Variants in ZNF365 observed in about 807,000 individuals in gnomAD.
ZNF365 encodes zinc finger protein 365, also known as protein ZNF365.
A neutral mutation model predicts 35.0 loss-of-function variants in ZNF365; 22 were observed. That is an observed-to-expected ratio of 0.63 (90% CI 0.45 to 0.90). The LOEUF is 0.90. ZNF365 is among the 40% of genes least tolerant of loss of function. The pLI, the probability that ZNF365 is intolerant of heterozygous loss-of-function variation, is 0.00. For synonymous variants in ZNF365, 188 were observed against 196.2 expected (o/e 0.96, Z 0.35); for missense variants, 448 against 500.3 (o/e 0.90, Z 1.00).
intron 4 of ZNF365, among the ~76,000 whole-genome samples, chr10:62,461,246 A>G (rs199512895): frequency 6.6e-6 from 1 of 152,218 alleles, no homozygotes; most frequent in East Asian, 1.9e-4. Flanking sequence ...CAGCTTTCGC[A>G]GGGCGTTCTA....
intron 2 of ZNF365, among the ~76,000 whole-genome samples, chr10:62,378,767 C>A (rs573677243): frequency 6.6e-6 from 1 of 152,122 alleles, no homozygotes; most frequent in African/African-American, 2.4e-5. Flanking sequence ...GCCAATTGCA[C>A]GCTGAATTGT....
chr10:62,479,286 A>G (rs1841182581), intron 4 of ZNF365, among the ~76,000 whole-genome samples: 1 of 152,234 alleles, frequency 6.6e-6, no homozygotes, highest in Admixed American at 6.5e-5. Flanking sequence ...TATAATTAGG[A>G]ACATAATCTG....
chr10:62,459,920 A>G (rs964365390), intron 4 of ZNF365: 28 of 781,128 alleles, frequency 3.6e-5, no homozygotes, highest in Non-Finnish European at 5.6e-5. Flanking sequence ...GAAAACACAC[A>G]TTTTCACATT....
intron 4 of ZNF365, among the ~76,000 whole-genome samples, chr10:62,472,885 T>C (rs1209488977): frequency 6.6e-6 from 1 of 152,202 alleles, no homozygotes; most frequent in Non-Finnish European, 1.5e-5. Flanking sequence ...AAGTATAGAA[T>C]AGCACAAAAA....
rs558378435 is a variant in ZNF365, at chr10:62,472,757, A to C, written c.982-7119A>C. On this transcript the variant is annotated intron_variant, in intron 4 of 4. Coordinates refer to the ZNF365 transcript ENST00000395255. ...AATATACTTTCCTTGCCTATTTTAC[A>C]TTTTTTGTACTCTCAAAGCATTCTG... Among the ~76,000 whole-genome samples the C allele has an allele frequency of 2.0e-5, 3 of 152,298 alleles. No homozygotes were observed. In the South Asian group the frequency reaches 6.2e-4, roughly 32 times the overall value.
intron 3 of ZNF365, among the ~76,000 whole-genome samples, chr10:62,414,290 C>A (rs915479309): frequency 6.6e-6 from 1 of 152,038 alleles, no homozygotes; most frequent in Admixed American, 6.5e-5. Flanking sequence ...GCCTCAACCT[C>A]CTGGGCTCAG....
chr10:62,453,123 G>A (rs966957942), intron 3 of ZNF365, among the ~76,000 whole-genome samples: 8 of 152,312 alleles, frequency 5.3e-5, no homozygotes, highest in African/African-American at 1.7e-4. Flanking sequence ...CTTGGAGTTT[G>A]TACATCTTTA....
chr10:62,431,582 G>A (rs746905541), intron 3 of ZNF365, among the ~76,000 whole-genome samples: 2 of 152,018 alleles, frequency 1.3e-5, no homozygotes, highest in Non-Finnish European at 2.9e-5. Context: ...TATTTTTGAT[G>A]GTTCCAACCA....
At position 62,392,902 on chromosome 10, in the gene ZNF365, G is replaced by T. The variant is rs111454461; in HGVS notation, c.924+4326G>T. ...CCGCCTCGGCCTCCCAAAGTGCTGGGATTACAGGCGTGAGCCACCGCACCC... is the reference window on the plus strand; with the variant it reads ...CCGCCTCGGCCTCCCAAAGTGCTGGTATTACAGGCGTGAGCCACCGCACCC... On this transcript the variant is annotated intron_variant, in intron 3 of 4. Transcript: ENST00000395254. 2.6e-3 allele frequency among the ~76,000 whole-genome samples: 399 copies of T among 152,346 alleles called. 3 individuals carry two copies. The highest frequency in any genetic ancestry group is 3.4e-3 in the Middle Eastern group (1 of 294).
intron 3 of ZNF365, among the ~76,000 whole-genome samples, chr10:62,429,104 C>T (rs1450961695): frequency 1.3e-5 from 2 of 152,114 alleles, no homozygotes; most frequent in Non-Finnish European, 2.9e-5. Context: ...CCAATGTGTG[C>T]CAACGTTAGT....
Position 62,399,641 on chromosome 10 carries a change from C to T in ZNF365, c.1076C>T (p.Pro359Leu). ...AAGGATGACAGAGCCAGCATGCAGC[C>T]TGCCAAGGCCATTCACGAACAGGCT... ...KAKDDRASMQ[P>L]AKAIHEQAES... The change falls in exon 5 of 5, where the codon CCT becomes CTT. Residue 359 changes from proline to leucine, a missense_variant. By Grantham distance (98) the Pro-to-Leu change is moderately conservative (BLOSUM62 -3). Around this residue, in one of 3 missense-constraint regions of ZNF365, gnomAD observed 362 missense variants for 375.7 expected, o/e 0.96. Coordinates refer to ENST00000395254, the MANE Select transcript of ZNF365 (RefSeq NM_014951.3). The T allele has an allele frequency of 6.2e-7, 1 of 1,614,178 alleles. No homozygotes were observed. Among genetic ancestry groups the T allele is most frequent in the Non-Finnish European group, 8.5e-7 (1 of 1,180,038 alleles).
At chr10:62,426,917 A>T (rs931935557) in intron 3 of ZNF365, among the ~76,000 whole-genome samples, 1 of 152,112 alleles carries the variant, frequency 6.6e-6, no homozygotes, top group African/African-American at 2.4e-5. Flanking sequence ...TAGCTCTGGG[A>T]GGGGCAGAGT....
intron 3 of ZNF365, among the ~76,000 whole-genome samples, chr10:62,420,274 T>A (rs958344784): frequency 3.0e-4 from 45 of 152,372 alleles, no homozygotes; most frequent in Non-Finnish European, 8.8e-5. Context: ...AATTTGAAAT[T>A]AACTCGTAAT....
intron 2 of ZNF365, among the ~76,000 whole-genome samples, chr10:62,377,709 C>T (rs1160664818): frequency 6.6e-6 from 1 of 152,062 alleles, no homozygotes; most frequent in East Asian, 1.9e-4. Context: ...ATAGATTTAA[C>T]CCAAACTAGA....
chr10:62,376,599 G>A lies in ZNF365; in HGVS notation c.406G>A (p.Ala136Thr). 6.2e-7 allele frequency: 1 copy of A among 1,614,156 alleles called. No homozygotes were observed. Among genetic ancestry groups the A allele is most frequent in the Non-Finnish European group, 8.5e-7 (1 of 1,180,038 alleles). Reference protein sequence around the residue: ...VQTYTAMDLHADSLDGTRSGP... With the variant: ...VQTYTAMDLHTDSLDGTRSGP... ...GACCTACACTGCCATGGACCTCCAT[G>A]CAGACTCGCTGGATGGGACACGGTC... The change falls in exon 2 of 5, where the codon GCA (alanine) becomes ACA (threonine). Residue 136 changes from alanine (A) to threonine (T), a missense_variant. Around this residue, in one of 3 missense-constraint regions of ZNF365, gnomAD observed 362 missense variants for 375.7 expected, o/e 0.96. Transcript: ENST00000395254.
At chr10:62,430,803 C>G (rs1029553309) in intron 3 of ZNF365, among the ~76,000 whole-genome samples, 1 of 152,244 alleles carries the variant, frequency 6.6e-6, no homozygotes, top group South Asian at 2.1e-4. Context: ...GAATTTCTTT[C>G]GTTATTTTTC....
intron 4 of ZNF365, among the ~76,000 whole-genome samples, chr10:62,462,475 G>A (rs1840863278): frequency 6.6e-6 from 1 of 152,172 alleles, no homozygotes; most frequent in Non-Finnish European, 1.5e-5. Context: ...CTAAGGGTGG[G>A]TTTTCTCACC....
chr10:62,442,615 C>T (rs1315788546), intron 3 of ZNF365, among the ~76,000 whole-genome samples: 1 of 152,084 alleles, frequency 6.6e-6, no homozygotes, highest in African/African-American at 2.4e-5. Flanking sequence ...CTAAATAATC[C>T]TCCTGGCCTT....
chr10:62,465,077 G>A (rs1840916562), intron 4 of ZNF365, among the ~76,000 whole-genome samples: 1 of 152,212 alleles, frequency 6.6e-6, no homozygotes, highest in Non-Finnish European at 1.5e-5. Flanking sequence ...TTGCTCTCAG[G>A]ATCCCAGGAA....
Sources: allele counts gnomAD v4.1 joint callset (sites outside exome capture counted in the v4.1 genomes callset), GRCh38; gene constraint gnomAD v4.1.1; regional missense constraint gnomAD v4.1.1; transcripts MANE v1.5; gene names NCBI Gene and HGNC (gene_info 2026-07-23, HGNC 2026-07-21).